COL3A1: variants seen among roughly 807,000 people sequenced by gnomAD.
COL3A1 encodes the protein collagen type III alpha 1 chain.
COL3A1 carries 46 observed loss-of-function variants against 200.9 expected under a neutral mutation model. That is an observed-to-expected ratio of 0.23 (90% CI 0.18 to 0.29). The LOEUF is 0.29. COL3A1 is among the 10% of genes least tolerant of loss of function. The probability of loss-of-function intolerance (pLI) is 1.00; values close to 1 mark genes in which losing one functional copy is unlikely to be tolerated. For missense variants in COL3A1, 1,367 were observed against 1,917.6 expected, an observed-to-expected ratio of 0.71 and a Z score of 5.36; for synonymous variants, 650 against 628.0, an observed-to-expected ratio of 1.03 and a Z score of -0.52.
rs776077444 is a variant in COL3A1, at chr2:189,008,061, T to C, written c.3444T>C (p.Pro1148=). 5 of 1,613,978 alleles carry C rather than the reference T, an allele frequency of 3.1e-6. No individual in the cohort carries two copies. The African/African-American group carries it at 5.3e-5, about 17-fold the overall frequency. Residue 1148 remains proline, a synonymous_variant, in exon 47 of 51, where the codon CCT becomes CCC. Coordinates refer to ENST00000304636, the MANE Select transcript of COL3A1 (RefSeq NM_000090.4). ...PRGPVGPSGP[P]GKDGTSGHPG... ...GACCTGTTGGACCCAGTGGACCTCC[T>C]GGCAAAGATGGAACCAGTGGACATC... is the stretch of plus-strand genomic sequence containing the variant.
chr2:188,991,644 A>G, intron 12 of COL3A1, 25 bp from the exon 13 acceptor site: 1 of 1,613,804 alleles, frequency 6.2e-7, no homozygotes, highest in Non-Finnish European at 8.5e-7. Flanking sequence ...TTAGAGTAAA[A>G]CCATATTTCA....
At position 189,012,683 on chromosome 2, in the gene COL3A1, G is replaced by T. The variant is rs924052565; in HGVS notation, c.*909G>T. ...TGTTGAAATTTAACTTTGTAAGCTTGTATGTGGTTGTTGATCTTTTTTTTC... is the reference window on the plus strand; with the variant it reads ...TGTTGAAATTTAACTTTGTAAGCTTTTATGTGGTTGTTGATCTTTTTTTTC... On this transcript the variant is annotated 3_prime_UTR_variant, in exon 51 of 51. Coordinates refer to ENST00000304636, the MANE Select transcript of COL3A1 (RefSeq NM_000090.4). The T allele has an allele frequency of 6.6e-6, 1 of 152,482 alleles. No individual in the cohort carries two copies. The highest frequency in any genetic ancestry group is 1.5e-5 in the Non-Finnish European group (1 of 67,984). The allele number at this position is 152,482 out of a possible 1,614,324, so 9.4% of individuals were successfully genotyped here. A position where few individuals can be genotyped will look rare whatever the true frequency, so the allele number is the denominator to read the frequency against.
intron 41 of COL3A1, 40 bp from the exon 42 acceptor site, chr2:189,006,166 G>T: frequency 1.2e-6 from 2 of 1,607,406 alleles, no homozygotes; most frequent in Non-Finnish European, 1.7e-6. Context: ...CATTTGGAAG[G>T]TTTCAAGAAA....
At chr2:189,000,761 A>G (rs575531455) in intron 32 of COL3A1, among the ~76,000 whole-genome samples, 1 of 152,350 alleles carries the variant, frequency 6.6e-6, no homozygotes, top group African/African-American at 2.4e-5. Context: ...ATTTCCCTGT[A>G]TATTCCTTTG....
At position 188,994,513 on chromosome 2, in the gene COL3A1, T is replaced by G. The variant is rs2153502399; in HGVS notation, c.1294-28T>G. 1 of 1,613,720 alleles carries G rather than the reference T, an allele frequency of 6.2e-7. No homozygotes were observed. Among genetic ancestry groups the G allele is most frequent in the East Asian group, 2.2e-5 (1 of 44,876 alleles). ...ATTTGTTAGTCGAATCCTCCCTGTG[T>G]TTCAACCAAGACTTTGTTATACTTT... On this transcript the variant is annotated intron_variant, in intron 18 of 50. Transcript: ENST00000304636. This position sits in a 1 kb window ranked among gnomAD's most constrained non-coding sequence, Gnocchi z 4.5.
At position 188,999,871 on chromosome 2, in the gene COL3A1, T is replaced by G; in HGVS notation, c.2259T>G (p.Gly753=). The change falls in exon 32 of 51, where the codon GGT becomes GGG. Residue 753 remains glycine (G), a synonymous_variant. Transcript: ENST00000304636. Reference sequence around the variant, plus strand: ...AACCAGGCGGTCCAGGTGCTGATGGTGTCCCAGGGAAAGATGGCCCAAGGG... The same window carrying G: ...AACCAGGCGGTCCAGGTGCTGATGGGGTCCCAGGGAAAGATGGCCCAAGGG... ...KGEPGGPGAD[G]VPGKDGPRGP... is the part of the protein sequence containing the mutation. 6.3e-7 allele frequency: 1 copy of G among 1,594,594 alleles called. No individual in the cohort carries two copies. The highest frequency in any genetic ancestry group is 8.5e-7 in the Non-Finnish European group (1 of 1,171,572).
intron 40 of COL3A1, 80 bp from the exon 41 acceptor site, chr2:189,005,270 G>A: frequency 1.5e-6 from 2 of 1,296,332 alleles, no homozygotes; most frequent in South Asian, 1.2e-5. Flanking sequence ...TTTTTTACCT[G>A]AAAATAAAGA....
intron 3 of COL3A1, 124 bp from the exon 4 acceptor site, chr2:188,985,541 T>A (rs1688048864): frequency 1.4e-6 from 1 of 704,954 alleles, no homozygotes; most frequent in African/African-American, 1.8e-5. Context: ...AAAGTATGTG[T>A]TATAAAGAAA....
chr2:188,998,561 G>C, intron 28 of COL3A1, 113 bp from the exon 29 acceptor site: 2 of 1,156,262 alleles, frequency 1.7e-6, no homozygotes, highest in Non-Finnish European at 2.5e-6. Flanking sequence ...ATGCCAACAT[G>C]ACAAATGTGT....
intron 24 of COL3A1, among the ~76,000 whole-genome samples, chr2:188,996,726 C>T (rs1331447563): frequency 3.3e-5 from 5 of 152,252 alleles, no homozygotes; most frequent in Middle Eastern, 3.4e-3. Flanking sequence ...CGCTGGCTCA[C>T]GCCTGTAATC....
intron 1 of COL3A1, among the ~76,000 whole-genome samples, chr2:188,982,743 G>GT (rs1171291967): frequency 6.6e-6 from 1 of 151,812 alleles, no homozygotes; most frequent in Non-Finnish European, 1.5e-5. Flanking sequence ...AAACTAATCT[G>GT]TAGGAATATT....
In COL3A1 at chr2:189,007,483, AAAATATGTTTCT is replaced by A; in HGVS notation, c.3256-13_3256-2del. On this transcript the variant is annotated splice_polypyrimidine_tract_variant and splice_region_variant and intron_variant, in intron 44 of 50. Transcript: ENST00000304636. ...GTATGTGTGTATATGACTTCAATTC[AAAATATGTTTCT>A]AAAGGGTCCTCAAGGCCCACGTGGT... is the stretch of plus-strand genomic sequence containing the variant. The A allele has an allele frequency of 1.2e-6, 2 of 1,601,386 alleles. No individual in the cohort carries two copies. The highest frequency in any genetic ancestry group is 1.3e-5 in the African/African-American group (1 of 74,630).
chr2:189,006,088 C>G, intron 41 of COL3A1, 118 bp from the exon 42 acceptor site: 1 of 995,632 alleles, frequency 1.0e-6, no homozygotes, highest in South Asian at 1.4e-5. Flanking sequence ...AGATTTCTTA[C>G]CCCCAAGAAC....
intron 28 of COL3A1, 152 bp from the exon 29 acceptor site, chr2:188,998,522 T>C: frequency 1.1e-6 from 1 of 946,906 alleles, no homozygotes; most frequent in Non-Finnish European, 1.6e-6. Flanking sequence ...AGAGAGTTCA[T>C]AGTTTCAAGA....
chr2:189,005,259 G>C (rs1376168549), intron 40 of COL3A1, 91 bp from the exon 41 acceptor site: 3 of 1,211,362 alleles, frequency 2.5e-6, no homozygotes, highest in Non-Finnish European at 2.4e-6. Flanking sequence ...AATAAAATAA[G>C]TTTTTTACCT....
intron 15 of COL3A1, 110 bp downstream of exon 15, chr2:188,993,050 A>C: frequency 1.0e-6 from 1 of 983,378 alleles, no homozygotes; most frequent in Non-Finnish European, 1.6e-6. Context: ...GATAGCTTTT[A>C]TCTATACATG....
In COL3A1 at chr2:188,988,098, C is replaced by A. The variant is rs754584062; in HGVS notation, c.546C>A (p.Pro182=). 6.2e-7 allele frequency: 1 copy of A among 1,612,624 alleles called. No individual in the cohort carries two copies. The change falls in exon 6 of 51, where the codon CCC becomes CCA. Residue 182 remains proline (P), a synonymous_variant. Transcript: ENST00000304636. The part of the protein sequence containing the change: ...YPGPAGPPGP[P]GPPGTSGHPG... ...CATTCCAGGGCCCCCCAGGCCCTCCCGGTCCCCCTGGTACATCTGGTCATC... is the reference window on the plus strand; with the variant it reads ...CATTCCAGGGCCCCCCAGGCCCTCCAGGTCCCCCTGGTACATCTGGTCATC...
In COL3A1 at chr2:188,992,171, C is replaced by A; in HGVS notation, c.952-13C>A. 1 of 1,613,810 alleles carries A rather than the reference C, an allele frequency of 6.2e-7. No homozygotes were observed. The highest frequency in any genetic ancestry group is 8.5e-7 in the Non-Finnish European group (1 of 1,179,802). ...GAATTAAAAGGATATTTGATGTAAA[C>A]TTCTCTTTTTAGGGTGCTCGGGGTA... On this transcript the variant is annotated splice_polypyrimidine_tract_variant and intron_variant, in intron 13 of 50. Coordinates refer to ENST00000304636, the MANE Select transcript of COL3A1 (RefSeq NM_000090.4).
At chr2:189,003,822 C>G (rs749445057) in intron 38 of COL3A1, 35 bp downstream of exon 38, 3 of 1,608,196 alleles carry the variant, frequency 1.9e-6, no homozygotes, top group Admixed American at 3.3e-5. Flanking sequence ...TCATCATACA[C>G]TTCAGAAAGA....
Sources: allele counts gnomAD v4.1 joint callset (sites outside exome capture counted in the v4.1 genomes callset), GRCh38; gene constraint gnomAD v4.1.1; non-coding constraint Gnocchi (gnomAD v3.1); transcripts MANE v1.5; gene names NCBI Gene and HGNC (gene_info 2026-07-23, HGNC 2026-07-21).